Variants in GRM7 observed in about 807,000 individuals in gnomAD.
GRM7 encodes the protein metabotropic glutamate receptor 7.
A neutral mutation model predicts 84.5 loss-of-function variants in GRM7; 35 were observed. The ratio of observed to expected loss-of-function variants is 0.41; its 90% CI spans 0.32 to 0.55. GRM7 has a LOEUF of 0.55. Among genes scored for constraint, GRM7 ranks in the 20% least tolerant of loss-of-function variants. The probability of loss-of-function intolerance (pLI) is 0.19; values close to 1 mark genes in which losing one functional copy is unlikely to be tolerated. For missense variants in GRM7, 1,003 were observed against 1,194.6 expected, an observed-to-expected ratio of 0.84 and a Z score of 2.36; for synonymous variants, 487 against 455.1, an observed-to-expected ratio of 1.07 and a Z score of -0.89.
intron 9 of GRM7, among the ~76,000 whole-genome samples, chr3:7,723,480 T>A (rs147121878): frequency 6.6e-6 from 1 of 152,180 alleles, no homozygotes; most frequent in Non-Finnish European, 1.5e-5. Flanking sequence ...TGTGTGCAGG[T>A]CCACTAGACA....
intron 4 of GRM7, among the ~76,000 whole-genome samples, chr3:7,380,018 G>T (rs1416400545): frequency 1.3e-5 from 2 of 152,182 alleles, no homozygotes; most frequent in African/African-American, 4.8e-5. Flanking sequence ...ATGTGTTTTT[G>T]TTGGTTCTAC....
chr3:7,173,502 C>A (rs1195617296), intron 2 of GRM7, among the ~76,000 whole-genome samples: 1 of 152,144 alleles, frequency 6.6e-6, no homozygotes, highest in Non-Finnish European at 1.5e-5. Context: ...GGATGAGGAA[C>A]AATATCCTGA....
At chr3:7,388,403 AC>A (rs758934684) in intron 4 of GRM7, among the ~76,000 whole-genome samples, 29 of 151,894 alleles carry the variant, frequency 1.9e-4, no homozygotes, top group Non-Finnish European at 3.2e-4. Flanking sequence ...CTGTAGTTTA[AC>A]TTTTTGTTGT....
intron 7 of GRM7, among the ~76,000 whole-genome samples, chr3:7,540,348 A>T (rs2125014620): frequency 6.6e-6 from 1 of 152,328 alleles, no homozygotes; most frequent in South Asian, 2.1e-4. Flanking sequence ...TCAACTGATG[A>T]GTGAAGAAGT....
intron 2 of GRM7, among the ~76,000 whole-genome samples, chr3:7,205,951 A>G (rs1696223523): frequency 6.6e-6 from 1 of 152,166 alleles, no homozygotes; most frequent in African/African-American, 2.4e-5. Context: ...AATTTCCCTC[A>G]AGTACCTCAG....
chr3:6,987,988 C>G (rs1376494779), intron 1 of GRM7, among the ~76,000 whole-genome samples: 1 of 147,314 alleles, frequency 6.8e-6, no homozygotes, highest in East Asian at 2.0e-4. Flanking sequence ...GGCCACATCA[C>G]CTCTAGCTTT....
chr3:7,150,228 A>G (rs924102231), intron 2 of GRM7, among the ~76,000 whole-genome samples: 1 of 152,114 alleles, frequency 6.6e-6, no homozygotes, highest in Non-Finnish European at 1.5e-5. Flanking sequence ...CTTTTCCTCT[A>G]TAAATGGCCT....
intron 9 of GRM7, among the ~76,000 whole-genome samples, chr3:7,707,739 T>C (rs1701434492): frequency 6.6e-6 from 1 of 152,174 alleles, no homozygotes; most frequent in Admixed American, 6.5e-5. Context: ...ACTCGCTGTC[T>C]CTGCCACAAA....
intron 9 of GRM7, among the ~76,000 whole-genome samples, chr3:7,693,343 C>T (rs775917179): frequency 1.3e-5 from 2 of 152,108 alleles, no homozygotes; most frequent in South Asian, 2.1e-4. Flanking sequence ...TTTCCTGGAA[C>T]AAAAATGTGA....
intron 1 of GRM7, among the ~76,000 whole-genome samples, chr3:7,080,113 C>T (rs932688961): frequency 3.6e-4 from 55 of 152,112 alleles, no homozygotes; most frequent in Middle Eastern, 3.4e-3. Context: ...GTCTTTATTT[C>T]TCTCCTTCCC....
intron 7 of GRM7, among the ~76,000 whole-genome samples, chr3:7,548,789 T>C (rs1301047150): frequency 6.6e-6 from 1 of 152,228 alleles, no homozygotes. Context: ...TTGGTTGCAG[T>C]TCTGGGTGTG....
At chr3:6,989,618 T>C (rs1344917458) in intron 1 of GRM7, among the ~76,000 whole-genome samples, 1 of 152,192 alleles carries the variant, frequency 6.6e-6, no homozygotes, top group African/African-American at 2.4e-5. Flanking sequence ...TGAATCTAGA[T>C]TGAAAGAGTG....
At chr3:7,135,070 T>C (rs1472242162) in intron 1 of GRM7, among the ~76,000 whole-genome samples, 2 of 152,182 alleles carry the variant, frequency 1.3e-5, no homozygotes, top group African/African-American at 4.8e-5. Context: ...TGATGATAAC[T>C]TCCATCATGA....
chr3:7,153,597 C>A (rs911851989), intron 2 of GRM7, among the ~76,000 whole-genome samples: 1 of 151,996 alleles, frequency 6.6e-6, no homozygotes, highest in Non-Finnish European at 1.5e-5. Context: ...TACAGTAAAG[C>A]AGTTGAAAGT....
At chr3:7,176,971 T>A (rs1324280234) in intron 2 of GRM7, among the ~76,000 whole-genome samples, 1 of 152,214 alleles carries the variant, frequency 6.6e-6, no homozygotes, top group South Asian at 2.1e-4. Flanking sequence ...ATACAAGTAG[T>A]ACAATCAGTG....
At chr3:7,652,006 G>GGACATTTTGACC (rs1321767783) in intron 8 of GRM7, among the ~76,000 whole-genome samples, 1 of 152,158 alleles carries the variant, frequency 6.6e-6, no homozygotes, top group Non-Finnish European at 1.5e-5. Flanking sequence ...GTTCTTAACA[G>GGACATTTTGACC]GACATTTTGA....
At chr3:7,608,432 A>G (rs1696694430) in intron 8 of GRM7, among the ~76,000 whole-genome samples, 1 of 152,062 alleles carries the variant, frequency 6.6e-6, no homozygotes, top group Admixed American at 6.6e-5. Flanking sequence ...CTGCTGTGAG[A>G]TGGTATCTCA....
chr3:7,359,346 T>C (rs1164350664), intron 4 of GRM7, among the ~76,000 whole-genome samples: 1 of 138,460 alleles, frequency 7.2e-6, no homozygotes, highest in Non-Finnish European at 1.6e-5. Flanking sequence ...TTTTTTTTTT[T>C]TTTTTTTGAG....
chr3:7,635,204 G>T (rs1250948735), intron 8 of GRM7, among the ~76,000 whole-genome samples: 1 of 152,190 alleles, frequency 6.6e-6, no homozygotes, highest in Non-Finnish European at 1.5e-5. Context: ...TAGTTTCCTG[G>T]AATAAAAGTA....
Sources: allele counts gnomAD v4.1 joint callset (sites outside exome capture counted in the v4.1 genomes callset), GRCh38; gene constraint gnomAD v4.1.1; transcripts MANE v1.5; gene names NCBI Gene and HGNC (gene_info 2026-07-23, HGNC 2026-07-21).